The following AKAP13 variants were observed in gnomAD, a reference collection of about 807,000 sequenced individuals.
The protein encoded by AKAP13 is A-kinase anchoring protein 13, also known as A-kinase anchor protein 13.
AKAP13 carries 80 observed loss-of-function variants against 264.5 expected under a neutral mutation model. The observed-to-expected ratio is 0.30, with a 90% CI of 0.25 to 0.36. The LOEUF is 0.36. Ranked by LOEUF, AKAP13 falls within the 10% of genes least tolerant of loss-of-function variation. The pLI, the probability that AKAP13 is intolerant of heterozygous loss-of-function variation, is 1.00. For missense variants in AKAP13, 3,712 were observed against 3,435.2 expected, an observed-to-expected ratio of 1.08 and a Z score of -2.01; for synonymous variants, 1,380 against 1,250.2, an observed-to-expected ratio of 1.10 and a Z score of -2.19.
intron 1 of AKAP13, among the ~76,000 whole-genome samples, chr15:85,458,055 G>T (rs748099502): frequency 1.3e-4 from 19 of 151,236 alleles, no homozygotes; most frequent in Non-Finnish European, 2.5e-4. Context: ...CAGGAGAATT[G>T]CTTGAACCCG....
chr15:85,729,332 C>A (rs918006858), intron 29 of AKAP13, among the ~76,000 whole-genome samples: 1 of 151,904 alleles, frequency 6.6e-6, no homozygotes, highest in Non-Finnish European at 1.5e-5. Context: ...AGAGTCTGGT[C>A]GGTTGGTGGT....
At chr15:85,425,145 C>G (rs1378376772) in intron 1 of AKAP13, among the ~76,000 whole-genome samples, 1 of 152,144 alleles carries the variant, frequency 6.6e-6, no homozygotes, top group Non-Finnish European at 1.5e-5. Context: ...AAAAATGGTG[C>G]TGATAGACTT....
Position 85,654,085 on chromosome 15 carries a change from C to A in AKAP13, c.4375-1332C>A, listed in dbSNP as rs79312274. On this transcript the variant is annotated intron_variant, in intron 10 of 36. Transcript: ENST00000394518. ...AGAGTTACACAGAACCTGTTAGGCA[C>A]TAGAGGTTAGCCAGGAAAGAGCATC... 2.3e-3 allele frequency among the ~76,000 whole-genome samples: 353 copies of A among 152,352 alleles called. 2 individuals carry two copies. Among genetic ancestry groups the A allele is most frequent in the Admixed American group, 4.6e-3 (70 of 15,310 alleles).
At chr15:85,407,632 G>A (rs949316516) in intron 1 of AKAP13, among the ~76,000 whole-genome samples, 2 of 151,740 alleles carry the variant, frequency 1.3e-5, no homozygotes, top group African/African-American at 4.9e-5. Flanking sequence ...TACACTGTGT[G>A]CAAAGAAACA....
chr15:85,610,178 T>G (rs2080540543), intron 8 of AKAP13, among the ~76,000 whole-genome samples: 1 of 152,266 alleles, frequency 6.6e-6, no homozygotes, highest in African/African-American at 2.4e-5. Context: ...CATTACAGAA[T>G]TATGGTCAGT....
chr15:85,438,137 A>G (rs199898260), intron 1 of AKAP13, among the ~76,000 whole-genome samples: 14,388 of 146,406 alleles, frequency 0.098, 760 homozygotes, highest in East Asian at 0.3. Context: ...TACAAAATCA[A>G]TGTACAAAAA....
At chr15:85,552,344 T>C (rs2077986798) in intron 5 of AKAP13, among the ~76,000 whole-genome samples, 1 of 152,216 alleles carries the variant, frequency 6.6e-6, no homozygotes. Context: ...TAACATGTTC[T>C]AGAAGGAATT....
chr15:85,575,463 A>G (rs2078972448), intron 6 of AKAP13, 134 bp downstream of exon 6: 1 of 853,428 alleles, frequency 1.2e-6, no homozygotes, highest in East Asian at 2.7e-5. Flanking sequence ...GGAGGCTGAG[A>G]CGGGCGGATC....
At chr15:85,737,435 T>G (rs930828034) in intron 33 of AKAP13, among the ~76,000 whole-genome samples, 1 of 152,060 alleles carries the variant, frequency 6.6e-6, no homozygotes, top group Non-Finnish European at 1.5e-5. Flanking sequence ...CTTTTTAGAG[T>G]ATAGTTCTCA....
chr15:85,629,764 CTTTTTTTTTTTTTTTT>C (rs773396099), intron 8 of AKAP13, among the ~76,000 whole-genome samples: 12 of 50,528 alleles, frequency 2.4e-4, no homozygotes, highest in Admixed American at 7.2e-4. Flanking sequence ...CCTTTACAGC[CTTTTTTTTTTTTTTTT>C]TTTTTTTTTT....
At chr15:85,643,703 C>A (rs1257977203) in intron 9 of AKAP13, among the ~76,000 whole-genome samples, 1 of 152,180 alleles carries the variant, frequency 6.6e-6, no homozygotes, top group Non-Finnish European at 1.5e-5. Context: ...TGCTAAGAAG[C>A]CCCGTTTTAG....
At chr15:85,458,796 G>A (rs7171364) in intron 1 of AKAP13, among the ~76,000 whole-genome samples, 30,155 of 152,004 alleles carry the variant, frequency 0.2, 3,605 homozygotes, top group Admixed American at 0.32. Flanking sequence ...TAAGTTTTCC[G>A]TGACAACTTG....
intron 8 of AKAP13, among the ~76,000 whole-genome samples, chr15:85,588,775 G>T (rs1470803014): frequency 2.6e-5 from 4 of 152,172 alleles, no homozygotes; most frequent in Non-Finnish European, 5.9e-5. Context: ...CTAGCTTGAG[G>T]CCAAAGGCAG....
intron 2 of AKAP13, among the ~76,000 whole-genome samples, chr15:85,499,859 C>G (rs148951550): frequency 2.6e-5 from 4 of 151,956 alleles, no homozygotes; most frequent in Admixed American, 1.3e-4. Flanking sequence ...ATGCCTTTTC[C>G]GTTTATTATG....
chr15:85,623,830 C>G (rs949659818), intron 8 of AKAP13, among the ~76,000 whole-genome samples: 1 of 152,218 alleles, frequency 6.6e-6, no homozygotes. Flanking sequence ...CTGACTCTTA[C>G]AGTATGTGGT....
At chr15:85,420,307 C>CT (rs2072466906) in intron 1 of AKAP13, among the ~76,000 whole-genome samples, 1 of 152,006 alleles carries the variant, frequency 6.6e-6, no homozygotes. Flanking sequence ...AAGACGTAGA[C>CT]TGTTGTCACT....
intron 5 of AKAP13, among the ~76,000 whole-genome samples, chr15:85,557,000 C>G (rs565734808): frequency 5.9e-5 from 9 of 152,222 alleles, no homozygotes; most frequent in Non-Finnish European, 7.3e-5. Context: ...TGTGTATACA[C>G]TTCCTTTTAG....
intron 8 of AKAP13, among the ~76,000 whole-genome samples, chr15:85,609,288 C>T (rs888858456): frequency 6.6e-6 from 1 of 152,184 alleles, no homozygotes; most frequent in Non-Finnish European, 1.5e-5. Flanking sequence ...TTGTCCCAGC[C>T]TCTAGTAACC....
chr15:85,665,864 C>T (rs1201465438), intron 13 of AKAP13, among the ~76,000 whole-genome samples: 1 of 152,134 alleles, frequency 6.6e-6, no homozygotes, highest in Non-Finnish European at 1.5e-5. Flanking sequence ...TGAACTCATC[C>T]TTTTTTATGG....
Sources: allele counts gnomAD v4.1 joint callset (sites outside exome capture counted in the v4.1 genomes callset), GRCh38; gene constraint gnomAD v4.1.1; transcripts MANE v1.5; gene names NCBI Gene and HGNC (gene_info 2026-07-23, HGNC 2026-07-21).